The following NEGR1 variants were observed in gnomAD, a reference collection of about 807,000 sequenced individuals.
The protein encoded by NEGR1 is IgLON family member 4.
NEGR1 carries 10 observed loss-of-function variants against 40.9 expected under a neutral mutation model. The ratio of observed to expected loss-of-function variants is 0.24; its 90% CI spans 0.15 to 0.42. NEGR1 has a LOEUF of 0.42. Among genes scored for constraint, NEGR1 ranks in the 10% least tolerant of loss-of-function variants. NEGR1 has a pLI of 1.00. For synonymous variants in NEGR1, 185 were observed against 166.8 expected (o/e 1.11, Z -0.84); for missense variants, 352 against 438.9 (o/e 0.80, Z 1.77).
At chr1:72,113,628 AG>A in intron 1 of NEGR1, among the ~76,000 whole-genome samples, 1 of 151,846 alleles carries the variant, frequency 6.6e-6, no homozygotes, top group South Asian at 2.1e-4. Context: ...GCACAAGGAA[AG>A]TGTGGTGAAG....
At chr1:71,549,894 T>A (rs1648021074) in intron 6 of NEGR1, among the ~76,000 whole-genome samples, 1 of 151,680 alleles carries the variant, frequency 6.6e-6, no homozygotes, top group South Asian at 2.1e-4. Flanking sequence ...ATAGCAAGTG[T>A]TCAACAAACT....
At chr1:71,990,913 TATA>T (rs1400544811) in intron 1 of NEGR1, among the ~76,000 whole-genome samples, 1 of 119,494 alleles carries the variant, frequency 8.4e-6, no homozygotes, top group African/African-American at 3.0e-5. Flanking sequence ...CATATATATA[TATA>T]TATTTTTTTT....
At chr1:71,869,582 G>A (rs1660217606) in intron 2 of NEGR1, among the ~76,000 whole-genome samples, 1 of 152,248 alleles carries the variant, frequency 6.6e-6, no homozygotes, top group Non-Finnish European at 1.5e-5. Context: ...CACAAGGCTT[G>A]TTATTTTGAG....
intron 6 of NEGR1, among the ~76,000 whole-genome samples, chr1:71,415,961 G>A (rs184770965): frequency 1.4e-3 from 216 of 152,150 alleles, no homozygotes; most frequent in Middle Eastern, 3.4e-3. Context: ...GCTTTGTCGT[G>A]TGAAATACAT....
At chr1:71,788,349 A>G (rs938207758) in intron 2 of NEGR1, among the ~76,000 whole-genome samples, 8 of 152,108 alleles carry the variant, frequency 5.3e-5, no homozygotes, top group African/African-American at 1.9e-4. Context: ...TTCAATATCA[A>G]AGAAATTGCT....
At chr1:71,637,319 A>C (rs944553114) in intron 4 of NEGR1, among the ~76,000 whole-genome samples, 1 of 152,030 alleles carries the variant, frequency 6.6e-6, no homozygotes, top group African/African-American at 2.4e-5. Context: ...GATGAATAAA[A>C]CAGATTCATC....
intron 2 of NEGR1, among the ~76,000 whole-genome samples, chr1:71,829,306 T>C (rs1658755597): frequency 6.6e-6 from 1 of 151,952 alleles, no homozygotes; most frequent in Admixed American, 6.6e-5. Context: ...GGTTCCAGCA[T>C]ATCTCTGGCA....
chr1:71,549,436 A>G lies in NEGR1; in HGVS notation c.940+43381T>C, dbSNP rs533307628. ...AGAAGCCCCACGATCAAAATTGCTC[A>G]AAATTTCATTGGTCAGAAAAAGTCA... On this transcript the variant is annotated intron_variant, in intron 6 of 6. Transcript: ENST00000357731. Among the ~76,000 whole-genome samples, 11 of 151,858 alleles carry G rather than the reference A, an allele frequency of 7.2e-5. 1 individual carries two copies. In the South Asian group the frequency reaches 2.3e-3, roughly 31 times the overall value.
chr1:71,890,234 A>C (rs1660839565), intron 2 of NEGR1, among the ~76,000 whole-genome samples: 1 of 72,350 alleles, frequency 1.4e-5, no homozygotes, highest in Admixed American at 2.2e-4. Context: ...CTTTAAATAT[A>C]AATGGACTAA....
At chr1:72,046,354 T>A (rs191026724) in intron 1 of NEGR1, among the ~76,000 whole-genome samples, 71 of 151,744 alleles carry the variant, frequency 4.7e-4, no homozygotes, top group Non-Finnish European at 9.2e-4. Context: ...GAATAATAGA[T>A]GTTTATAATT....
In NEGR1 at chr1:71,942,995, T is replaced by C. The variant is rs995000771; in HGVS notation, c.177-7684A>G. The stretch of plus-strand genomic sequence containing the variant: ...ATATATAAGTATATATGTGTATATA[T>C]ATGTGTGTGTATATATATATGTGTA... On this transcript the variant is annotated intron_variant, in intron 1 of 6. Coordinates refer to ENST00000357731, the MANE Select transcript of NEGR1 (RefSeq NM_173808.3). Among the ~76,000 whole-genome samples the C allele has an allele frequency of 3.5e-5, 5 of 141,522 alleles. 1 individual carries two copies. Among genetic ancestry groups the C allele is most frequent in the African/African-American group, 1.3e-4 (5 of 38,552 alleles). 92.8% of individuals were successfully genotyped at this position (141,522 alleles called of 152,430 possible).
At position 71,796,975 on chromosome 1, in the gene NEGR1, A is replaced by G. The variant is rs139933885; in HGVS notation, c.410-20678T>C. ...TATGGGTTGGTCATTTTTACAGCACATATTTACATAATTGAAACTCATTAA... is the reference window on the plus strand; with the variant it reads ...TATGGGTTGGTCATTTTTACAGCACGTATTTACATAATTGAAACTCATTAA... On this transcript the variant is annotated intron_variant, in intron 2 of 6. Transcript: ENST00000357731. Among the ~76,000 whole-genome samples, 440 of 152,286 alleles carry G rather than the reference A, an allele frequency of 2.9e-3. 13 individuals are homozygous for G. The highest frequency in any genetic ancestry group is 0.023 in the Admixed American group (348 of 15,284).
chr1:71,670,695 G>A (rs1052453304), intron 4 of NEGR1, among the ~76,000 whole-genome samples: 14 of 152,006 alleles, frequency 9.2e-5, no homozygotes, highest in Admixed American at 2.6e-4. Flanking sequence ...TTCTTCACCA[G>A]TATTTTCTTT....
intron 2 of NEGR1, among the ~76,000 whole-genome samples, chr1:71,830,379 A>G (rs1416690919): frequency 1.3e-5 from 2 of 151,906 alleles, no homozygotes; most frequent in African/African-American, 2.4e-5. Context: ...CAACTATTCA[A>G]TTCTGCTATT....
chr1:71,620,319 C>T (rs945290962), intron 4 of NEGR1, among the ~76,000 whole-genome samples: 8 of 151,932 alleles, frequency 5.3e-5, no homozygotes, highest in South Asian at 2.1e-4. Flanking sequence ...GCATGTTGAC[C>T]TTAGTCTGTA....
intron 6 of NEGR1, among the ~76,000 whole-genome samples, chr1:71,584,732 G>C (rs189604113): frequency 2.0e-5 from 3 of 152,192 alleles, no homozygotes; most frequent in African/African-American, 7.2e-5. Context: ...ATATCTCACA[G>C]GACCTCCAAA....
chr1:72,095,204 T>C (rs1648652724), intron 1 of NEGR1, among the ~76,000 whole-genome samples: 1 of 152,090 alleles, frequency 6.6e-6, no homozygotes, highest in Admixed American at 6.5e-5. Context: ...TGGTGACTTT[T>C]GATTAAAATA....
intron 6 of NEGR1, among the ~76,000 whole-genome samples, chr1:71,544,865 C>T (rs1647835683): frequency 6.6e-6 from 1 of 151,606 alleles, no homozygotes; most frequent in South Asian, 2.1e-4. Flanking sequence ...TGGTTCTGGT[C>T]CTGTGGATTG....
chr1:71,853,795 A>T (rs1303532850), intron 2 of NEGR1, among the ~76,000 whole-genome samples: 1 of 152,132 alleles, frequency 6.6e-6, no homozygotes, highest in African/African-American at 2.4e-5. Context: ...AATTTTCAAA[A>T]GTTGTGCTGT....
Sources: allele counts gnomAD v4.1 joint callset (sites outside exome capture counted in the v4.1 genomes callset), GRCh38; gene constraint gnomAD v4.1.1; transcripts MANE v1.5; gene names NCBI Gene and HGNC (gene_info 2026-07-23, HGNC 2026-07-21).